The following FAM228B variants were observed in gnomAD, a reference collection of about 807,000 sequenced individuals.
FAM228B encodes protein FAM228B.
A neutral mutation model predicts 42.6 loss-of-function variants in FAM228B; 38 were observed. The ratio of observed to expected loss-of-function variants is 0.89; its 90% CI spans 0.69 to 1.17. The LOEUF (loss-of-function observed/expected upper bound fraction) is 1.17. Among genes scored for constraint, FAM228B ranks in the 50% most tolerant of loss-of-function variants. FAM228B has a pLI of 0.00. For synonymous variants in FAM228B, 109 were observed against 122.3 expected, an observed-to-expected ratio of 0.89 and a Z score of 0.72; for missense variants, 344 against 367.3, an observed-to-expected ratio of 0.94 and a Z score of 0.52.
rs1558387227 is a variant in FAM228B at position 24,139,444 on chromosome 2, T to C, written c.435T>C (p.Phe145=). The C allele has an allele frequency of 1.3e-6, 2 of 1,542,288 alleles. No homozygotes were observed. Among genetic ancestry groups the C allele is most frequent in the Admixed American group, 2.0e-5 (1 of 50,804 alleles). Residue 145 remains phenylalanine, a synonymous_variant, in exon 5 of 11, where the codon TTT becomes TTC. Coordinates refer to ENST00000615575, the MANE Select transcript of FAM228B (RefSeq NM_001145710.2). ...PFYMSKKDPN[F]LKVTIPPFHD... is the part of the protein sequence containing the mutation. ...ATATGAGCAAGAAGGACCCCAATTTTCTGAAGGTAGGGTAGATTTCTTTTT... is the reference window on the plus strand; with the variant it reads ...ATATGAGCAAGAAGGACCCCAATTTCCTGAAGGTAGGGTAGATTTCTTTTT...
Position 24,168,087 on chromosome 2 carries a change from C to A in FAM228B, c.*14+404C>A, listed in dbSNP as rs372874624. ...AGAGATACTGAGACTAAAATTAGAT[C>A]CATTTCAGTATCTTTGTAGATGCTC... On this transcript the variant is annotated intron_variant, in intron 10 of 10. Coordinates refer to ENST00000615575, the MANE Select transcript of FAM228B (RefSeq NM_001145710.2). The A allele has an allele frequency of 3.5e-5, 7 of 198,758 alleles. No homozygotes were observed. In the East Asian group the frequency reaches 4.3e-4, roughly 12 times the overall value. 12.3% of individuals were successfully genotyped at this position (198,758 alleles called of 1,614,324 possible).
chr2:24,135,253 G>A, intron 3 of FAM228B, 66 bp downstream of exon 3: 3 of 864,330 alleles, frequency 3.5e-6, no homozygotes, highest in African/African-American at 1.7e-5. Context: ...TTTATATGTA[G>A]CATATTCTAT....
intron 2 of FAM228B, among the ~76,000 whole-genome samples, chr2:24,126,482 C>T (rs976903822): frequency 1.3e-5 from 2 of 152,118 alleles, no homozygotes; most frequent in South Asian, 4.1e-4. Context: ...ATTTATCTAT[C>T]TTCTTTGGCA....
At chr2:24,131,161 G>T (rs532773345) in intron 2 of FAM228B, among the ~76,000 whole-genome samples, 1 of 152,180 alleles carries the variant, frequency 6.6e-6, no homozygotes, top group East Asian at 1.9e-4. Flanking sequence ...TATTTCTGAG[G>T]TCTCCATTCT....
At chr2:24,088,880 G>A (rs921267331) in intron 2 of FAM228B, among the ~76,000 whole-genome samples, 3 of 152,188 alleles carry the variant, frequency 2.0e-5, no homozygotes, top group African/African-American at 7.2e-5. Context: ...CAGGTAGAGA[G>A]TGTCAGAATT....
rs756507342 is a variant in FAM228B at position 24,080,813 on chromosome 2, G to T, written c.-289-63G>T. On this transcript the variant is annotated intron_variant, in intron 1 of 10. Transcript: ENST00000613899. This position sits in a 1 kb window ranked among gnomAD's most constrained non-coding sequence, Gnocchi z 4.7. ...TTCCTGCTGAACTGTAGAAGCAGTT[G>T]TTTACCTTTGGTGAATTTCAGCGTT... The T allele has an allele frequency of 1.2e-6, 2 of 1,614,152 alleles. No homozygotes were observed. Among genetic ancestry groups the T allele is most frequent in the Non-Finnish European group, 1.7e-6 (2 of 1,180,002 alleles).
rs1665475606 is a variant in FAM228B, at chr2:24,095,338, G to C, written c.-121+109G>C. 1 of 152,342 alleles carries C rather than the reference G, an allele frequency of 6.6e-6. No individual in the cohort carries two copies. Among genetic ancestry groups the C allele is most frequent in the Non-Finnish European group, 1.5e-5 (1 of 68,066 alleles). 9.4% of individuals were successfully genotyped at this position (152,342 alleles called of 1,614,324 possible). On this transcript the variant is annotated intron_variant, in intron 3 of 10. Coordinates refer to the FAM228B transcript ENST00000613899. This position sits in a 1 kb window ranked among gnomAD's most constrained non-coding sequence, Gnocchi z 4.8. ...CACCCTGGAAGTGCAAGGGGTCAGGGGATTTCCCTTTCCTAGCCAAGGGAA... is the reference window on the plus strand; with the variant it reads ...CACCCTGGAAGTGCAAGGGGTCAGGCGATTTCCCTTTCCTAGCCAAGGGAA...
At chr2:24,130,075 G>A (rs550399835) in intron 2 of FAM228B, among the ~76,000 whole-genome samples, 18 of 152,238 alleles carry the variant, frequency 1.2e-4, no homozygotes, top group African/African-American at 4.1e-4. Flanking sequence ...TGGTTTTCTG[G>A]TTCCTGTGTT....
At chr2:24,125,079 A>T (rs1171169906) in intron 2 of FAM228B, among the ~76,000 whole-genome samples, 1 of 152,194 alleles carries the variant, frequency 6.6e-6, no homozygotes, top group East Asian at 1.9e-4. Context: ...AGTAAACTGC[A>T]TATATTTAAA....
At chr2:24,158,308 G>A (rs568762006) in intron 7 of FAM228B, among the ~76,000 whole-genome samples, 8 of 146,102 alleles carry the variant, frequency 5.5e-5, no homozygotes, top group South Asian at 4.3e-4. Context: ...ACACTAGGCC[G>A]TACAGATTAG....
chr2:24,136,479 C>T (rs568166038), intron 3 of FAM228B, among the ~76,000 whole-genome samples: 3 of 152,340 alleles, frequency 2.0e-5, no homozygotes, highest in Admixed American at 2.0e-4. Flanking sequence ...CCACCTCGGC[C>T]TCCCAAAGTG....
chr2:24,119,052 G>A (rs968595414), upstream of FAM228B, among the ~76,000 whole-genome samples: 3 of 152,082 alleles, frequency 2.0e-5, no homozygotes, highest in Non-Finnish European at 4.4e-5. Flanking sequence ...ACACGGAGGG[G>A]GAATGCAGTA....
chr2:24,107,458 A>G (rs1290945135), intron 3 of FAM228B, among the ~76,000 whole-genome samples: 2 of 152,160 alleles, frequency 1.3e-5, no homozygotes, highest in East Asian at 3.8e-4. Context: ...TGCTCCACCT[A>G]AAAACAACAG....
chr2:24,166,069 A>ATATATATATATGTATG, intron 9 of FAM228B: 1 of 145,064 alleles, frequency 6.9e-6, no homozygotes, highest in East Asian at 2.0e-4. Context: ...ATATATATAT[A>ATATATATATATGTATG]TATGTATGTA....
intron 2 of FAM228B, among the ~76,000 whole-genome samples, chr2:24,094,426 T>C (rs892959454): frequency 2.6e-5 from 4 of 152,184 alleles, no homozygotes; most frequent in Admixed American, 1.3e-4. Flanking sequence ...ATATAAATAG[T>C]TTAAAAGATA....
At position 24,083,504 on chromosome 2, in the gene FAM228B, C is replaced by T. The variant is rs192471978; in HGVS notation, c.-210+2549C>T. On this transcript the variant is annotated intron_variant, in intron 2 of 10. Transcript: ENST00000613899. ...CATCAAGCGCTAGGCTCTGTGCTCA[C>T]TCACCCCAGTCCTCAGAAGCTGTAG... is the stretch of plus-strand genomic sequence containing the variant. Among the ~76,000 whole-genome samples the T allele has an allele frequency of 1.2e-4, 18 of 152,282 alleles. No homozygotes were observed. In the East Asian group the frequency reaches 1.7e-3, roughly 15 times the overall value.
chr2:24,152,354 A>G (rs185541345), intron 7 of FAM228B, among the ~76,000 whole-genome samples: 72 of 152,184 alleles, frequency 4.7e-4, no homozygotes, highest in East Asian at 3.9e-4. Context: ...TTCATTTGGT[A>G]TGTCTATATT....
Position 24,077,435 on chromosome 2 carries a change from CCAG to C in FAM228B, c.-290+467_-290+469del. On this transcript the variant is annotated intron_variant, in intron 1 of 10. Coordinates refer to the FAM228B transcript ENST00000613899. The surrounding 1 kb of genome is among the most constrained non-coding windows in gnomAD (Gnocchi z 5.5). ...CGGCCCCAGTCCGCGTGCCACCCTT[CCAG>C]TTCACTCTTTATTTCCTCATATCAG... 1 of 1,028,534 alleles carries C rather than the reference CCAG, an allele frequency of 9.7e-7. No individual in the cohort carries two copies. Among genetic ancestry groups the C allele is most frequent in the South Asian group, 2.4e-5 (1 of 42,126 alleles). 63.7% of individuals were successfully genotyped at this position (1,028,534 alleles called of 1,614,324 possible).
intron 4 of FAM228B, among the ~76,000 whole-genome samples, chr2:24,138,416 A>G (rs1666659622): frequency 6.6e-6 from 1 of 152,036 alleles, no homozygotes. Flanking sequence ...GCTCACTGCA[A>G]ACCTCCACCT....
Sources: allele counts gnomAD v4.1 joint callset (sites outside exome capture counted in the v4.1 genomes callset), GRCh38; gene constraint gnomAD v4.1.1; non-coding constraint Gnocchi (gnomAD v3.1); transcripts MANE v1.5; gene names NCBI Gene and HGNC (gene_info 2026-07-23, HGNC 2026-07-21).